Variants in LINGO2 observed in about 807,000 individuals in gnomAD.
LINGO2 encodes the protein leucine rich repeat and Ig domain containing 2.
A neutral mutation model predicts 30.6 loss-of-function variants in LINGO2; 14 were observed. The ratio of observed to expected loss-of-function variants is 0.46; its 90% CI spans 0.30 to 0.72. LINGO2 has a LOEUF of 0.72. Among genes scored for constraint, LINGO2 ranks in the 30% least tolerant of loss-of-function variants. The probability of loss-of-function intolerance (pLI) is 0.07; values close to 1 mark genes in which losing one functional copy is unlikely to be tolerated. For missense variants in LINGO2, 729 were observed against 751.7 expected, an observed-to-expected ratio of 0.97 and a Z score of 0.35; for synonymous variants, 317 against 288.5, an observed-to-expected ratio of 1.10 and a Z score of -1.00.
At chr9:28,953,522 A>G in the LINGO2 span, among the ~76,000 whole-genome samples, 1 of 152,128 alleles carries the variant, frequency 6.6e-6, no homozygotes, top group Non-Finnish European at 1.5e-5. Flanking sequence ...TATGAAAGAT[A>G]ATTATATTTT....
At chr9:28,016,483 C>T (rs370668567) in intron 4 of LINGO2, among the ~76,000 whole-genome samples, 6 of 151,916 alleles carry the variant, frequency 3.9e-5, no homozygotes, top group South Asian at 2.1e-4. Context: ...AAATCAGAGT[C>T]GGAAGTTCTT....
chr9:27,986,316 A>G (rs1821121331), intron 5 of LINGO2, among the ~76,000 whole-genome samples: 1 of 151,874 alleles, frequency 6.6e-6, no homozygotes, highest in African/African-American at 2.4e-5. Context: ...AAAAAAGAAA[A>G]GGAAAAACAA....
At chr9:28,007,873 G>A (rs1822344564) in intron 5 of LINGO2, among the ~76,000 whole-genome samples, 1 of 152,104 alleles carries the variant, frequency 6.6e-6, no homozygotes, top group South Asian at 2.1e-4. Context: ...CTCCTGGCTT[G>A]GTTTTCTTTC....
chr9:28,428,176 C>T (rs900061296), intron 2 of LINGO2, among the ~76,000 whole-genome samples: 1 of 152,072 alleles, frequency 6.6e-6, no homozygotes, highest in Admixed American at 6.6e-5. Context: ...AAAATGATGC[C>T]TCACCTAATA....
chr9:29,191,875 C>T, the LINGO2 span, among the ~76,000 whole-genome samples: 245 of 151,900 alleles, frequency 1.6e-3, no homozygotes, highest in Non-Finnish European at 2.9e-3. Context: ...TCTTACGAAC[C>T]TGATCATATC....
intron 1 of LINGO2, among the ~76,000 whole-genome samples, chr9:28,504,350 T>C (rs1419317641): frequency 1.3e-5 from 2 of 151,896 alleles, no homozygotes; most frequent in African/African-American, 4.8e-5. Context: ...ATTAAAAATA[T>C]AGTAACATAA....
At chr9:28,313,989 A>G (rs1454314581) in intron 3 of LINGO2, among the ~76,000 whole-genome samples, 1 of 151,964 alleles carries the variant, frequency 6.6e-6, no homozygotes, top group Admixed American at 6.6e-5. Context: ...GCTGGAGTGC[A>G]GTGGCGCGAT....
chr9:28,390,195 C>T (rs1245480142), intron 2 of LINGO2, among the ~76,000 whole-genome samples: 1 of 152,174 alleles, frequency 6.6e-6, no homozygotes, highest in Non-Finnish European at 1.5e-5. Flanking sequence ...CTGCCTTCTG[C>T]TGTACGATGC....
At chr9:29,032,674 C>G in the LINGO2 span, among the ~76,000 whole-genome samples, 1 of 152,104 alleles carries the variant, frequency 6.6e-6, no homozygotes, top group African/African-American at 2.4e-5. Context: ...AGTTCAGAAA[C>G]AGATGCCAAA....
chr9:28,974,646 G>A, the LINGO2 span, among the ~76,000 whole-genome samples: 1 of 151,974 alleles, frequency 6.6e-6, no homozygotes, highest in Non-Finnish European at 1.5e-5. Flanking sequence ...TTTCATTTGA[G>A]AACACTAAGA....
At chr9:28,000,198 G>C (rs373005526) in intron 5 of LINGO2, among the ~76,000 whole-genome samples, 89 of 152,308 alleles carry the variant, frequency 5.8e-4, no homozygotes, top group Middle Eastern at 3.4e-3. Flanking sequence ...GGTGGCAGCA[G>C]TGCTCAAATT....
chr9:28,487,385 T>C (rs1826213537), intron 1 of LINGO2, among the ~76,000 whole-genome samples: 1 of 152,196 alleles, frequency 6.6e-6, no homozygotes, highest in African/African-American at 2.4e-5. Flanking sequence ...AAGCCAATCC[T>C]ACTTGAATAA....
At chr9:28,099,119 A>G (rs1411152553) in intron 4 of LINGO2, among the ~76,000 whole-genome samples, 1 of 152,146 alleles carries the variant, frequency 6.6e-6, no homozygotes, top group African/African-American at 2.4e-5. Context: ...TAGTATTACT[A>G]GTTAAATTAA....
the LINGO2 span, among the ~76,000 whole-genome samples, chr9:29,044,145 T>C: frequency 6.6e-6 from 1 of 151,968 alleles, no homozygotes; most frequent in African/African-American, 2.4e-5. Context: ...GTTACCTACC[T>C]CATGGGATTT....
intron 4 of LINGO2, among the ~76,000 whole-genome samples, chr9:28,194,088 G>C (rs552615535): frequency 4.6e-5 from 7 of 152,150 alleles, no homozygotes; most frequent in African/African-American, 1.2e-4. Flanking sequence ...CAAAGGGAGA[G>C]GACACAGGCT....
the LINGO2 span, among the ~76,000 whole-genome samples, chr9:28,915,838 A>G: frequency 1.4e-4 from 22 of 152,220 alleles, no homozygotes; most frequent in Non-Finnish European, 2.1e-4. Context: ...ATAAAGAAGT[A>G]TAAGCATGGT....
chr9:28,559,002 T>A (rs1822900372), intron 1 of LINGO2, among the ~76,000 whole-genome samples: 1 of 152,142 alleles, frequency 6.6e-6, no homozygotes, highest in Non-Finnish European at 1.5e-5. Flanking sequence ...AACCATGCTT[T>A]GGTTTCTTAT....
chr9:28,097,615 C>A (rs1383259684), intron 4 of LINGO2, among the ~76,000 whole-genome samples: 2 of 137,160 alleles, frequency 1.5e-5, no homozygotes, highest in African/African-American at 5.5e-5. Flanking sequence ...TATTCTCACT[C>A]ATAGGTGGGA....
chr9:28,472,019 T>C (rs780828408), intron 2 of LINGO2, among the ~76,000 whole-genome samples: 3 of 152,182 alleles, frequency 2.0e-5, no homozygotes, highest in Non-Finnish European at 4.4e-5. Context: ...AGTATTAGAA[T>C]TCAAGAAAGG....
Sources: gnomAD v4.1 joint callset for allele counts (sites outside exome capture counted in the v4.1 genomes callset) on GRCh38, gnomAD v4.1.1 for gene constraint, MANE v1.5 for transcripts, NCBI Gene and HGNC (gene_info 2026-07-23, HGNC 2026-07-21) for gene names.